Variants in PAH observed in about 807,000 individuals in gnomAD.
PAH encodes phenylalanine-4-hydroxylase.
In PAH, 64 loss-of-function variants were observed where a neutral mutation model predicts 62.0. That is an observed-to-expected ratio of 1.03 (90% CI 0.84 to 1.27). The LOEUF (loss-of-function observed/expected upper bound fraction) is 1.27, where lower values mean the gene tolerates loss of function less well. Ranked by LOEUF, PAH falls within the 50% of genes most tolerant of loss-of-function variation. The probability of loss-of-function intolerance (pLI) is 0.00; values close to 1 mark genes in which losing one functional copy is unlikely to be tolerated. For missense variants in PAH, 579 were observed against 542.8 expected (o/e 1.07, Z -0.66); for synonymous variants, 195 against 196.2 (o/e 0.99, Z 0.05).
chr12:102,862,850 G>A (rs753088739), intron 5 of PAH, among the ~76,000 whole-genome samples: 9 of 152,002 alleles, frequency 5.9e-5, no homozygotes, highest in East Asian at 1.9e-4. Flanking sequence ...GTCTACAGAC[G>A]AGTGACAGGG....
upstream of PAH, among the ~76,000 whole-genome samples, chr12:102,952,920 A>G (rs1196863099): frequency 6.6e-6 from 1 of 152,226 alleles, no homozygotes; most frequent in Non-Finnish European, 1.5e-5. Context: ...CAGGCCCTCC[A>G]AGGCTGGTGC....
chr12:102,879,605 T>G (rs1203821402), intron 3 of PAH, among the ~76,000 whole-genome samples: 2 of 139,340 alleles, frequency 1.4e-5, no homozygotes, highest in Admixed American at 7.2e-5. Flanking sequence ...ATTTTACCTG[T>G]GGGGGGGGGG....
intron 1 of PAH, among the ~76,000 whole-genome samples, chr12:102,936,665 C>T (rs1287119065): frequency 6.6e-6 from 1 of 152,114 alleles, no homozygotes. Flanking sequence ...TAGTTTCTAT[C>T]TGGAAATATA....
intron 1 of PAH, among the ~76,000 whole-genome samples, chr12:102,947,834 G>T (rs962140197): frequency 2.6e-5 from 4 of 152,222 alleles, no homozygotes; most frequent in African/African-American, 9.6e-5. Flanking sequence ...TGGAGGCTGA[G>T]TCCCAAGATC....
chr12:102,896,923 C>T (rs75900290), intron 2 of PAH, among the ~76,000 whole-genome samples: 2,574 of 152,284 alleles, frequency 0.017, 70 homozygotes, highest in African/African-American at 0.058. Context: ...GTACCCTCAT[C>T]AGACCATTTT....
At chr12:102,909,234 G>C (rs1314043635) in intron 2 of PAH, among the ~76,000 whole-genome samples, 1 of 152,062 alleles carries the variant, frequency 6.6e-6, no homozygotes, top group African/African-American at 2.4e-5. Context: ...ATGTATTTTG[G>C]ATAATGTTCC....
chr12:102,934,933 T>C (rs117392735), intron 1 of PAH, among the ~76,000 whole-genome samples: 2 of 152,182 alleles, frequency 1.3e-5, no homozygotes, highest in Non-Finnish European at 2.9e-5. Flanking sequence ...TTGCTCTAAC[T>C]AGAACTTCAG....
intron 3 of PAH, among the ~76,000 whole-genome samples, chr12:102,884,050 A>C (rs1287360442): frequency 6.6e-6 from 1 of 152,228 alleles, no homozygotes; most frequent in Non-Finnish European, 1.5e-5. Context: ...CAAGTGAGAA[A>C]GGGTGAGAAG....
At chr12:102,856,698 C>T (rs1221237040) in intron 5 of PAH, among the ~76,000 whole-genome samples, 4 of 152,220 alleles carry the variant, frequency 2.6e-5, no homozygotes, top group Non-Finnish European at 5.9e-5. Flanking sequence ...TCTGCAGCCT[C>T]CGCTGCTGAC....
At chr12:102,890,800 A>T (rs1490742786) in intron 3 of PAH, among the ~76,000 whole-genome samples, 1 of 152,144 alleles carries the variant, frequency 6.6e-6, no homozygotes, top group East Asian at 1.9e-4. Context: ...TTAACTTTTT[A>T]GGCCGGGCAC....
At chr12:102,956,037 C>T (rs140030849) in intron 1 of PAH, among the ~76,000 whole-genome samples, 137 of 152,290 alleles carry the variant, frequency 9.0e-4, no homozygotes, top group African/African-American at 2.7e-3. Context: ...AAACACTCAG[C>T]CAGCCCACAT....
intron 3 of PAH, among the ~76,000 whole-genome samples, chr12:102,878,550 C>T (rs1368716657): frequency 6.6e-6 from 1 of 151,554 alleles, no homozygotes; most frequent in Non-Finnish European, 1.5e-5. Context: ...GAGACAAGGG[C>T]ATTTTGGACC....
At chr12:102,912,259 T>A (rs1037660632) in intron 2 of PAH, among the ~76,000 whole-genome samples, 1 of 152,194 alleles carries the variant, frequency 6.6e-6, no homozygotes, top group Non-Finnish European at 1.5e-5. Context: ...TTTACCAATG[T>A]CTTGAAGAAC....
upstream of PAH, among the ~76,000 whole-genome samples, chr12:102,919,264 C>T (rs1402044483): frequency 6.6e-6 from 1 of 152,194 alleles, no homozygotes. Flanking sequence ...TTTCTTTCTT[C>T]TCCCCATAAC....
chr12:102,907,572 C>T (rs986681764), intron 2 of PAH, among the ~76,000 whole-genome samples: 1 of 151,914 alleles, frequency 6.6e-6, no homozygotes, highest in African/African-American at 2.4e-5. Context: ...ATTTGATTCT[C>T]TCTCTTAACG....
At chr12:102,855,767 A>C (rs1875397733) in intron 5 of PAH, among the ~76,000 whole-genome samples, 1 of 152,146 alleles carries the variant, frequency 6.6e-6, no homozygotes, top group East Asian at 1.9e-4. Context: ...ATCTAAGTTA[A>C]AGCAACACAG....
At chr12:102,952,769 T>A (rs1376772024), upstream of PAH, among the ~76,000 whole-genome samples, 1 of 152,212 alleles carries the variant, frequency 6.6e-6, no homozygotes, top group Non-Finnish European at 1.5e-5. Flanking sequence ...TTTTTCAAAC[T>A]TTTTTCTTTT....
chr12:102,863,595 T>C (rs974342849), intron 5 of PAH, among the ~76,000 whole-genome samples: 1 of 152,130 alleles, frequency 6.6e-6, no homozygotes, highest in African/African-American at 2.4e-5. Flanking sequence ...TTGTTGGAAA[T>C]AGACAGGACC....
intron 8 of PAH, chr12:102,847,193 G>C: frequency 1.8e-6 from 1 of 541,288 alleles, no homozygotes; most frequent in South Asian, 2.1e-5. Context: ...AGGAAATTGA[G>C]GCACAGAGAA....
Sources: gnomAD v4.1 joint callset for allele counts (sites outside exome capture counted in the v4.1 genomes callset) on GRCh38, gnomAD v4.1.1 for gene constraint, MANE v1.5 for transcripts, NCBI Gene and HGNC (gene_info 2026-07-23, HGNC 2026-07-21) for gene names.